CNTNAP3B: variants seen among roughly 807,000 people sequenced by gnomAD.
The protein encoded by CNTNAP3B is contactin-associated protein-like 3B.
In CNTNAP3B, 25 loss-of-function variants were observed where a neutral mutation model predicts 108.9. The ratio of observed to expected loss-of-function variants is 0.23; its 90% CI spans 0.17 to 0.32. The LOEUF (loss-of-function observed/expected upper bound fraction) is 0.32. Ranked by LOEUF, CNTNAP3B falls within the 10% of genes least tolerant of loss-of-function variation. CNTNAP3B has a pLI of 1.00. For missense variants in CNTNAP3B, 252 were observed against 1,210.4 expected (o/e 0.21, Z 11.75); for synonymous variants, 103 against 473.4 (o/e 0.22, Z 10.16).
At position 42,060,261 on chromosome 9, in the gene CNTNAP3B, C is replaced by T. The variant is rs547846185; in HGVS notation, c.390+16608G>A. ...AGGTTGTTAGACATTTTGTCAAATG[C>T]TTCTGCTGTGTCCATTGAGATAATC... On this transcript the variant is annotated intron_variant, in intron 3 of 23. Coordinates refer to ENST00000377561, the MANE Select transcript of CNTNAP3B (RefSeq NM_001201380.3). Among the ~76,000 whole-genome samples the T allele has an allele frequency of 3.7e-5, 5 of 136,222 alleles. No homozygotes were observed. In the East Asian group the frequency reaches 8.8e-4, roughly 24 times the overall value. The allele number at this position is 136,222 out of a possible 152,430, so 89.4% of individuals were successfully genotyped here.
intron 10 of CNTNAP3B, among the ~76,000 whole-genome samples, chr9:41,967,959 T>C (rs1425780528): frequency 2.6e-5 from 4 of 152,370 alleles, no homozygotes; most frequent in South Asian, 4.1e-4. Flanking sequence ...AACTTTGGGG[T>C]ACAATTTGGA....
chr9:41,968,932 A>G (rs7039614), intron 10 of CNTNAP3B, among the ~76,000 whole-genome samples: 4,012 of 148,306 alleles, frequency 0.027, 4 homozygotes, highest in East Asian at 0.12. Context: ...GAGTAGCTGG[A>G]ACTACAGGCG....
At chr9:41,894,416 C>A (rs67270955) in intron 23 of CNTNAP3B, among the ~76,000 whole-genome samples, 1 of 54,240 alleles carries the variant, frequency 1.8e-5, no homozygotes, top group Non-Finnish European at 3.2e-5. Flanking sequence ...GTGTGAGTTA[C>A]CGTGCCTGGC....
At chr9:41,957,513 G>A (rs1824897696) in intron 12 of CNTNAP3B, among the ~76,000 whole-genome samples, 1 of 135,518 alleles carries the variant, frequency 7.4e-6, no homozygotes, top group Non-Finnish European at 1.6e-5. Context: ...TTCCAAAGCT[G>A]TGCCTGGTCT....
At chr9:41,941,106 T>C (rs1243548889) in intron 13 of CNTNAP3B, among the ~76,000 whole-genome samples, 23 of 150,802 alleles carry the variant, frequency 1.5e-4, no homozygotes, top group African/African-American at 5.6e-4. Context: ...AGGACCCAAA[T>C]AGACATAAGG....
At chr9:41,995,462 CAA>C (rs1294327621) in intron 7 of CNTNAP3B, among the ~76,000 whole-genome samples, 1 of 124,832 alleles carries the variant, frequency 8.0e-6, no homozygotes, top group East Asian at 2.4e-4. Flanking sequence ...AAAACAAAAA[CAA>C]AAAAAGTGCG....
intron 14 of CNTNAP3B, among the ~76,000 whole-genome samples, chr9:41,930,825 C>T (rs909521231): frequency 7.9e-5 from 12 of 152,124 alleles, no homozygotes; most frequent in African/African-American, 2.4e-4. Flanking sequence ...AAAATAAAGG[C>T]ATTTGTCTAC....
At chr9:41,925,002 G>A (rs1265131073) in intron 15 of CNTNAP3B, among the ~76,000 whole-genome samples, 3 of 151,684 alleles carry the variant, frequency 2.0e-5, no homozygotes, top group Non-Finnish European at 4.4e-5. Flanking sequence ...GTGTGTCGCA[G>A]CAGCAGGCAG....
chr9:41,965,132 C>T (rs1825230713), intron 10 of CNTNAP3B, among the ~76,000 whole-genome samples: 2 of 152,286 alleles, frequency 1.3e-5, no homozygotes, highest in Admixed American at 1.3e-4. Context: ...TTTAGATTTG[C>T]AATAAGCAGT....
intron 2 of CNTNAP3B, among the ~76,000 whole-genome samples, chr9:42,096,086 C>T: frequency 7.2e-6 from 1 of 139,750 alleles, no homozygotes; most frequent in South Asian, 2.3e-4. Context: ...GCTGTCCTCA[C>T]CGGCCACCAG....
At chr9:41,916,560 A>G (rs1032039406) in intron 18 of CNTNAP3B, among the ~76,000 whole-genome samples, 3 of 150,830 alleles carry the variant, frequency 2.0e-5, no homozygotes, top group African/African-American at 4.9e-5. Context: ...TATATTTACT[A>G]TCTTTTATAA....
chr9:42,125,852 A>C (rs1164965455), intron 1 of CNTNAP3B, among the ~76,000 whole-genome samples: 2 of 127,284 alleles, frequency 1.6e-5, no homozygotes, highest in African/African-American at 6.4e-5. Context: ...TCCCGACCTC[A>C]AGTGATCCAC....
At chr9:42,076,213 G>A (rs1206145081) in intron 3 of CNTNAP3B, among the ~76,000 whole-genome samples, 2 of 73,280 alleles carry the variant, frequency 2.7e-5, no homozygotes, top group Admixed American at 1.5e-4. Context: ...TGAGGAGTTC[G>A]AGACCAGCCT....
chr9:42,058,408 T>C (rs1292815407), intron 3 of CNTNAP3B, among the ~76,000 whole-genome samples: 1 of 147,004 alleles, frequency 6.8e-6, no homozygotes, highest in African/African-American at 2.5e-5. Flanking sequence ...ATAACCATTC[T>C]AACAAGTACG....
intron 1 of CNTNAP3B, among the ~76,000 whole-genome samples, chr9:42,110,469 T>A (rs1475461554): frequency 7.4e-6 from 1 of 135,472 alleles, no homozygotes; most frequent in Admixed American, 7.4e-5. Context: ...CAAAGCCTAT[T>A]ATTAAAGAGT....
chr9:42,003,242 C>T (rs1294070591), intron 4 of CNTNAP3B, among the ~76,000 whole-genome samples: 1 of 125,892 alleles, frequency 7.9e-6, no homozygotes, highest in Non-Finnish European at 1.7e-5. Flanking sequence ...CTTCTCATTA[C>T]TACTTTTCTA....
chr9:41,926,211 T>C (rs1231915051), intron 15 of CNTNAP3B, among the ~76,000 whole-genome samples: 2 of 152,286 alleles, frequency 1.3e-5, no homozygotes, highest in African/African-American at 4.8e-5. Context: ...GTCACTCCTA[T>C]GCTCCTCACT....
chr9:42,068,036 G>T (rs1176764400), intron 3 of CNTNAP3B, among the ~76,000 whole-genome samples: 1 of 139,530 alleles, frequency 7.2e-6, no homozygotes, highest in Non-Finnish European at 1.5e-5. Flanking sequence ...ATCAGTATCT[G>T]GGATAGCAGT....
intron 10 of CNTNAP3B, among the ~76,000 whole-genome samples, chr9:41,969,762 C>A (rs1234740182): frequency 7.9e-6 from 1 of 126,140 alleles, no homozygotes; most frequent in Admixed American, 8.1e-5. Context: ...GGACTACAGG[C>A]GCCTGCCACC....
Sources: allele counts gnomAD v4.1 joint callset (sites outside exome capture counted in the v4.1 genomes callset), GRCh38; gene constraint gnomAD v4.1.1; transcripts MANE v1.5; gene names NCBI Gene and HGNC (gene_info 2026-07-23, HGNC 2026-07-21).